The following CRIM1 variants were observed in gnomAD, a reference collection of about 807,000 sequenced individuals.
CRIM1 encodes the protein cysteine rich transmembrane BMP regulator 1.
A neutral mutation model predicts 116.4 loss-of-function variants in CRIM1; 32 were observed. That is an observed-to-expected ratio of 0.27 (90% CI 0.21 to 0.37). CRIM1 has a LOEUF of 0.37. Among genes scored for constraint, CRIM1 ranks in the 10% least tolerant of loss-of-function variants. The pLI is 1.00. For synonymous variants in CRIM1, 590 were observed against 509.2 expected (o/e 1.16, Z -2.13); for missense variants, 1,331 against 1,354.8 (o/e 0.98, Z 0.28).
At chr2:36,503,531 G>A (rs181619629) in intron 8 of CRIM1, among the ~76,000 whole-genome samples, 166 of 151,916 alleles carry the variant, frequency 1.1e-3, no homozygotes, top group Non-Finnish European at 1.3e-3. Context: ...AGCCCCCAGC[G>A]TCCCCGCCCC....
chr2:36,493,283 A>C (rs77614967), intron 7 of CRIM1, among the ~76,000 whole-genome samples: 1 of 152,106 alleles, frequency 6.6e-6, no homozygotes, highest in South Asian at 2.1e-4. Flanking sequence ...GAAAAAAAAA[A>C]GCATTGTTTT....
At chr2:36,479,939 T>G (rs1008506129) in intron 7 of CRIM1, among the ~76,000 whole-genome samples, 1 of 152,214 alleles carries the variant, frequency 6.6e-6, no homozygotes, top group Non-Finnish European at 1.5e-5. Context: ...CTTTACAGTA[T>G]AAGAATATGT....
intron 8 of CRIM1, among the ~76,000 whole-genome samples, chr2:36,499,706 G>C (rs1398041028): frequency 6.6e-6 from 1 of 152,140 alleles, no homozygotes; most frequent in East Asian, 1.9e-4. Flanking sequence ...TTCCGCATAT[G>C]ACAGCCATAA....
At position 36,396,804 on chromosome 2, in the gene CRIM1, GT is replaced by G. The variant is rs752698825; in HGVS notation, c.505+19del. On this transcript the variant is annotated intron_variant, in intron 2 of 16. Coordinates refer to ENST00000280527, the MANE Select transcript of CRIM1 (RefSeq NM_016441.3). ...GAATTGAAGGTAAGCATTAATTTTT[GT>G]TAACCATCCAGTCGTAAGCCTTAGC... is the stretch of plus-strand genomic sequence containing the variant. The G allele has an allele frequency of 3.1e-6, 5 of 1,597,606 alleles. No individual in the cohort carries two copies. Among genetic ancestry groups the G allele is most frequent in the Non-Finnish European group, 4.3e-6 (5 of 1,167,328 alleles).
At chr2:36,398,246 G>A (rs776630348) in intron 2 of CRIM1, among the ~76,000 whole-genome samples, 10 of 152,074 alleles carry the variant, frequency 6.6e-5, no homozygotes, top group African/African-American at 9.7e-5. Context: ...TGGTGAGTGC[G>A]TCACCATTGC....
intron 1 of CRIM1, chr2:36,369,329 A>G (rs555726782): frequency 6.6e-6 from 1 of 152,226 alleles, no homozygotes; most frequent in Non-Finnish European, 1.5e-5. Flanking sequence ...ACCACAGCCC[A>G]GTGCCTGCTG....
chr2:36,481,291 A>G (rs1679397727), intron 7 of CRIM1, among the ~76,000 whole-genome samples: 1 of 152,186 alleles, frequency 6.6e-6, no homozygotes, highest in Non-Finnish European at 1.5e-5. Flanking sequence ...GTAGATATAT[A>G]TATAACTCAT....
intron 10 of CRIM1, 34 bp downstream of exon 10, chr2:36,512,428 G>A: frequency 6.4e-7 from 1 of 1,571,054 alleles, no homozygotes. Context: ...CCCCCTCAAA[G>A]CAGCCAGGGG....
chr2:36,548,476 T>C lies in CRIM1; in HGVS notation c.2935-49T>C, dbSNP rs766370747. 3.2e-5 allele frequency: 46 copies of C among 1,427,326 alleles called. No homozygotes were observed. The East Asian group carries it at 9.0e-4, about 28-fold the overall frequency. 88.4% of individuals were successfully genotyped at this position (1,427,326 alleles called of 1,614,324 possible). A position where few individuals can be genotyped will look rare whatever the true frequency, so the allele number is the denominator to read the frequency against. On this transcript the variant is annotated intron_variant, in intron 16 of 16. Transcript: ENST00000280527. ...CTAAATTTCTGTTCATTTGAGATAA[T>C]GTAAAGCAACTAATTTTTTGTGGTT...
At chr2:36,534,598 G>A (rs1340227468) in intron 13 of CRIM1, among the ~76,000 whole-genome samples, 2 of 147,372 alleles carry the variant, frequency 1.4e-5, no homozygotes, top group African/African-American at 5.0e-5. Flanking sequence ...ACAGGAAGAG[G>A]GAGGGAGGGA....
intron 2 of CRIM1, among the ~76,000 whole-genome samples, chr2:36,418,239 A>C (rs1673772136): frequency 6.6e-6 from 1 of 152,198 alleles, no homozygotes; most frequent in Admixed American, 6.5e-5. Context: ...CAGGAGTGCA[A>C]GGCCCCAGGT....
At chr2:36,362,227 A>G (rs1433095486) in intron 1 of CRIM1, among the ~76,000 whole-genome samples, 1 of 152,194 alleles carries the variant, frequency 6.6e-6, no homozygotes, top group Non-Finnish European at 1.5e-5. Flanking sequence ...TGTATGATTA[A>G]TTGGCTAGTG....
chr2:36,384,841 A>G (rs1409510632), intron 1 of CRIM1, among the ~76,000 whole-genome samples: 1 of 152,220 alleles, frequency 6.6e-6, no homozygotes, highest in Admixed American at 6.5e-5. Context: ...TCCAGTTTAT[A>G]GCACTACTGT....
At chr2:36,485,910 T>C (rs965185711) in intron 7 of CRIM1, among the ~76,000 whole-genome samples, 19 of 152,246 alleles carry the variant, frequency 1.2e-4, no homozygotes, top group African/African-American at 4.1e-4. Context: ...ACTAGTTCCA[T>C]AAATGGAAAT....
chr2:36,484,157 C>G (rs140671501), intron 7 of CRIM1, among the ~76,000 whole-genome samples: 12 of 152,286 alleles, frequency 7.9e-5, no homozygotes, highest in African/African-American at 2.9e-4. Flanking sequence ...CCCTGAAGTC[C>G]AGAATCACAG....
Position 36,356,173 on chromosome 2 carries a change from G to T in CRIM1, c.-120G>T. ...AGGCGCGCCCCGGGGGCCCCGAGAG[G>T]GGCGGTGAGGACCGCGGGCTGCTGG... On this transcript the variant is annotated 5_prime_UTR_variant, in exon 1 of 17. Transcript: ENST00000280527. This position sits in a 1 kb window ranked among gnomAD's most constrained non-coding sequence, Gnocchi z 4.3. 1 of 285,992 alleles carries T rather than the reference G, an allele frequency of 3.5e-6. No individual in the cohort carries two copies. Among genetic ancestry groups the T allele is most frequent in the Admixed American group, 5.7e-5 (1 of 17,480 alleles). 17.7% of individuals were successfully genotyped at this position (285,992 alleles called of 1,614,324 possible). A position where few individuals can be genotyped will look rare whatever the true frequency, so the allele number is the denominator to read the frequency against.
chr2:36,357,249 C>A (rs1668907453), intron 1 of CRIM1, among the ~76,000 whole-genome samples: 1 of 152,048 alleles, frequency 6.6e-6, no homozygotes, highest in South Asian at 2.1e-4. Flanking sequence ...TTTATTTGCC[C>A]ATTGTAAACG....
At chr2:36,493,883 G>T (rs1223686825) in intron 7 of CRIM1, among the ~76,000 whole-genome samples, 1 of 152,046 alleles carries the variant, frequency 6.6e-6, no homozygotes, top group Non-Finnish European at 1.5e-5. Context: ...AATAACTGAG[G>T]ATCAAAGTAT....
At chr2:36,438,046 T>G (rs1371370157) in intron 2 of CRIM1, among the ~76,000 whole-genome samples, 2 of 151,184 alleles carry the variant, frequency 1.3e-5, no homozygotes, top group Non-Finnish European at 2.9e-5. Flanking sequence ...ACAGAAAAAT[T>G]GCTTGAACCC....
Sources: gnomAD v4.1 joint callset for allele counts (sites outside exome capture counted in the v4.1 genomes callset) on GRCh38, gnomAD v4.1.1 for gene constraint, Gnocchi (gnomAD v3.1) non-coding constraint, MANE v1.5 for transcripts, NCBI Gene and HGNC (gene_info 2026-07-23, HGNC 2026-07-21) for gene names.